Variants in SAMMSON observed in about 807,000 individuals in gnomAD.
SAMMSON encodes the protein survival associated mitochondrial melanoma specific oncogenic non-coding RNA.
At chr3:70,358,844 A>G (rs986739630) in intron 9 of SAMMSON, among the ~76,000 whole-genome samples, 2 of 152,198 alleles carry the variant, frequency 1.3e-5, no homozygotes, top group Admixed American at 1.3e-4. Flanking sequence ...CATATAATGT[A>G]AAAGAAGCCA....
intron 4 of SAMMSON, among the ~76,000 whole-genome samples, chr3:70,176,690 T>A (rs887338553): frequency 1.3e-5 from 2 of 152,172 alleles, no homozygotes; most frequent in East Asian, 3.9e-4. Flanking sequence ...CTAATACACC[T>A]ATCATTTAAT....
chr3:70,337,183 A>ATAG (rs1559566834), intron 7 of SAMMSON, among the ~76,000 whole-genome samples: 1 of 135,088 alleles, frequency 7.4e-6, no homozygotes, highest in Non-Finnish European at 1.6e-5. Context: ...AATATTAATA[A>ATAG]TATGTAACTT....
At chr3:70,218,561 G>A (rs1429633394) in intron 4 of SAMMSON, among the ~76,000 whole-genome samples, 1 of 152,116 alleles carries the variant, frequency 6.6e-6, no homozygotes, top group Non-Finnish European at 1.5e-5. Flanking sequence ...AGCAGCTGCA[G>A]TAGTGGCCTG....
chr3:70,238,710 A>G (rs759026257), intron 4 of SAMMSON, among the ~76,000 whole-genome samples: 13 of 152,104 alleles, frequency 8.5e-5, no homozygotes, highest in Non-Finnish European at 1.5e-4. Flanking sequence ...CAAATTCCAA[A>G]TGTATTGTTT....
At chr3:70,136,875 G>C (rs2067508032) in intron 4 of SAMMSON, among the ~76,000 whole-genome samples, 1 of 152,024 alleles carries the variant, frequency 6.6e-6, no homozygotes, top group Non-Finnish European at 1.5e-5. Flanking sequence ...AGTTTTTATA[G>C]TTATGATCAA....
At chr3:70,347,684 A>T (rs1702761777) in intron 7 of SAMMSON, among the ~76,000 whole-genome samples, 1 of 152,218 alleles carries the variant, frequency 6.6e-6, no homozygotes, top group African/African-American at 2.4e-5. Flanking sequence ...ACCTGGCCCT[A>T]CTAAGTTTAT....
rs1256690794 is a variant in SAMMSON at position 70,315,635 on chromosome 3, C to T, written n.739+24392C>T. Among the ~76,000 whole-genome samples the T allele has an allele frequency of 3.3e-5, 5 of 152,088 alleles. No individual in the cohort carries two copies. In the South Asian group the frequency reaches 8.3e-4, roughly 25 times the overall value. On this transcript the variant is annotated intron_variant and non_coding_transcript_variant, in intron 7 of 9. Coordinates refer to ENST00000642114, the Ensembl canonical transcript of SAMMSON. ...TGATCCACCTAGTGATATCCTTGGG[C>T]CCCCCAAAATTGTCATCTGGGTAAT...
intron 4 of SAMMSON, chr3:70,084,710 A>C (rs905979651): frequency 6.6e-6 from 1 of 152,192 alleles, no homozygotes; most frequent in Non-Finnish European, 1.5e-5. Context: ...TGAGACTGAC[A>C]TTTTATTACT....
At chr3:70,050,750 T>G (rs774209388) in intron 3 of SAMMSON, among the ~76,000 whole-genome samples, 1 of 152,018 alleles carries the variant, frequency 6.6e-6, no homozygotes, top group Non-Finnish European at 1.5e-5. Flanking sequence ...ACTTTAATTT[T>G]GGCAGTTTGG....
intron 9 of SAMMSON, among the ~76,000 whole-genome samples, chr3:70,360,853 AAT>A (rs941894010): frequency 6.6e-6 from 1 of 152,196 alleles, no homozygotes; most frequent in Non-Finnish European, 1.5e-5. Context: ...TATTTAGTCT[AAT>A]ATAATTCTAA....
At chr3:70,262,495 G>C (rs555286140) in intron 6 of SAMMSON, among the ~76,000 whole-genome samples, 23 of 152,294 alleles carry the variant, frequency 1.5e-4, no homozygotes, top group African/African-American at 5.5e-4. Flanking sequence ...TGTTTATTAT[G>C]GGGATGGCTT....
intron 4 of SAMMSON, among the ~76,000 whole-genome samples, chr3:70,077,703 T>C (rs1053209642): frequency 5.9e-5 from 9 of 152,224 alleles, no homozygotes; most frequent in African/African-American, 2.2e-4. Context: ...GAAATGATTA[T>C]GAATTACAGT....
chr3:70,120,606 T>C (rs527284877), intron 4 of SAMMSON: 2 of 152,238 alleles, frequency 1.3e-5, no homozygotes, highest in Non-Finnish European at 1.5e-5. Context: ...AAGTCAGCCA[T>C]GCCTCCATGC....
At chr3:70,029,791 A>G (rs2107583467) in intron 3 of SAMMSON, among the ~76,000 whole-genome samples, 2 of 151,914 alleles carry the variant, frequency 1.3e-5, no homozygotes, top group South Asian at 2.1e-4. Context: ...GTTGGTGAAA[A>G]TAGCTGCTTA....
intron 2 of SAMMSON, among the ~76,000 whole-genome samples, chr3:70,426,577 CT>C (rs1003892163): frequency 3.3e-5 from 5 of 152,172 alleles, no homozygotes; most frequent in Non-Finnish European, 7.4e-5. Context: ...CCTCTTCTTC[CT>C]TCTCTTCTTC....
chr3:70,059,875 T>A (rs948334536), intron 3 of SAMMSON, among the ~76,000 whole-genome samples: 1 of 152,124 alleles, frequency 6.6e-6, no homozygotes, highest in African/African-American at 2.4e-5. Context: ...TAGAATCATG[T>A]ACTAAATGTT....
At chr3:70,121,112 A>G (rs1161839885) in intron 4 of SAMMSON, among the ~76,000 whole-genome samples, 1 of 152,180 alleles carries the variant, frequency 6.6e-6, no homozygotes, top group Non-Finnish European at 1.5e-5. Flanking sequence ...TTGCATGTGC[A>G]GTTCACAATA....
intron 4 of SAMMSON, among the ~76,000 whole-genome samples, chr3:70,187,635 A>C (rs1701101345): frequency 1.3e-5 from 2 of 151,002 alleles, no homozygotes; most frequent in East Asian, 2.0e-4. Flanking sequence ...ACGGGGTTTC[A>C]CCGTGTTAGC....
chr3:70,115,697 A>G (rs2067407914), intron 4 of SAMMSON, among the ~76,000 whole-genome samples: 1 of 152,198 alleles, frequency 6.6e-6, no homozygotes, highest in African/African-American at 2.4e-5. Flanking sequence ...CCTCTATTCT[A>G]TGAGTCTACA....
Sources: allele counts gnomAD v4.1 joint callset (sites outside exome capture counted in the v4.1 genomes callset), GRCh38; gene constraint gnomAD v4.1.1; transcripts MANE v1.5; gene names NCBI Gene and HGNC (gene_info 2026-07-23, HGNC 2026-07-21).